The following ADAMTS2 variants were observed in gnomAD, a reference collection of about 807,000 sequenced individuals.
ADAMTS2 encodes the protein ADAM metallopeptidase with thrombospondin type 1 motif 2.
Under a neutral mutation model 123.0 loss-of-function variants are expected in ADAMTS2, and 50 were observed. The observed-to-expected ratio is 0.41, with a 90% CI of 0.32 to 0.51. ADAMTS2 has a LOEUF of 0.51. ADAMTS2 is among the 20% of genes least tolerant of loss of function. The pLI is 0.35. For synonymous variants in ADAMTS2, 678 were observed against 695.4 expected (o/e 0.98, Z 0.39); for missense variants, 1,494 against 1,705.2 (o/e 0.88, Z 2.18).
rs1214980958 is a variant in ADAMTS2, at chr5:179,175,958, C to T, written c.975+5114G>A. ...AGACCACCTGTACTGCTCGGACTCT[C>T]GGAGGTACACCATGCACAGCTCCAC... On this transcript the variant is annotated intron_variant, in intron 5 of 21. Transcript: ENST00000251582. This position sits in a 1 kb window ranked among gnomAD's most constrained non-coding sequence, Gnocchi z 4.1. Among the ~76,000 whole-genome samples, 3 of 152,036 alleles carry T rather than the reference C, an allele frequency of 2.0e-5. No individual in the cohort carries two copies. Among genetic ancestry groups the T allele is most frequent in the Non-Finnish European group, 2.9e-5 (2 of 68,016 alleles).
chr5:179,121,105 G>A (rs1324286415), intron 21 of ADAMTS2: 1 of 152,322 alleles, frequency 6.6e-6, no homozygotes, highest in African/African-American at 2.4e-5. Context: ...TGGAGGTGGG[G>A]AGTGTCCCCG....
At chr5:179,119,922 T>A (rs1392329921) in intron 21 of ADAMTS2, among the ~76,000 whole-genome samples, 1 of 152,136 alleles carries the variant, frequency 6.6e-6, no homozygotes, top group African/African-American at 2.4e-5. Flanking sequence ...TATGACATGA[T>A]TCAAAACCCG....
At chr5:179,255,075 G>T (rs997454831) in intron 3 of ADAMTS2, among the ~76,000 whole-genome samples, 2 of 152,128 alleles carry the variant, frequency 1.3e-5, no homozygotes, top group African/African-American at 4.8e-5. Context: ...TAGGGGATGG[G>T]TAGATGGATG....
chr5:179,165,092 C>T (rs1292445498), intron 5 of ADAMTS2, among the ~76,000 whole-genome samples: 5 of 152,244 alleles, frequency 3.3e-5, no homozygotes, highest in Admixed American at 3.3e-4. Context: ...GCTGAGACCT[C>T]CAGCCAAGGA....
intron 3 of ADAMTS2, among the ~76,000 whole-genome samples, chr5:179,221,461 G>A (rs761566542): frequency 7.9e-5 from 12 of 152,160 alleles, no homozygotes. Context: ...CCCACTTTCA[G>A]TCGTGGCACC....
intron 3 of ADAMTS2, among the ~76,000 whole-genome samples, chr5:179,227,394 T>G (rs757859354): frequency 2.0e-5 from 3 of 152,098 alleles, no homozygotes; most frequent in Non-Finnish European, 4.4e-5. Flanking sequence ...CCCTGACGAC[T>G]CTACACTTGG....
rs1763525978 is a variant in ADAMTS2 at position 179,158,353 on chromosome 5, T to C, written c.1132+370A>G. ...TCTTCTTTCATTATTTTGCGTTTCTTATTTAGACCTAAAATCCATGTGAGA... is the reference window on the plus strand; with the variant it reads ...TCTTCTTTCATTATTTTGCGTTTCTCATTTAGACCTAAAATCCATGTGAGA... On this transcript the variant is annotated intron_variant, in intron 6 of 21. Transcript: ENST00000251582. The surrounding 1 kb of genome is among the most constrained non-coding windows in gnomAD (Gnocchi z 5.0). Among the ~76,000 whole-genome samples the C allele has an allele frequency of 6.6e-6, 1 of 152,218 alleles. No homozygotes were observed. The highest frequency in any genetic ancestry group is 2.4e-5 in the African/African-American group (1 of 41,450).
At chr5:179,237,240 G>T (rs928755345) in intron 3 of ADAMTS2, among the ~76,000 whole-genome samples, 1 of 152,214 alleles carries the variant, frequency 6.6e-6, no homozygotes, top group Non-Finnish European at 1.5e-5. Flanking sequence ...TCCAGCCTAG[G>T]TGATGAGTGA....
At chr5:179,337,211 G>A (rs546503508) in intron 2 of ADAMTS2, among the ~76,000 whole-genome samples, 60 of 152,140 alleles carry the variant, frequency 3.9e-4, no homozygotes, top group African/African-American at 1.4e-3. Context: ...GGTGTCTAAC[G>A]TGGCGCCAAG....
intron 11 of ADAMTS2, among the ~76,000 whole-genome samples, 164 bp from the exon 12 acceptor site, chr5:179,138,108 C>A (rs1763098057): frequency 6.6e-6 from 1 of 152,104 alleles, no homozygotes; most frequent in Non-Finnish European, 1.5e-5. Context: ...AGCTGTAAGA[C>A]CTGGGCAGTT....
rs551661111 is a variant in ADAMTS2, at chr5:179,139,185, C to G, written c.1775+705G>C. ...TGGAGGGTTCTCCCTCCATGCCAGC[C>G]CCCCCGGGACACTCCCTGGGTGAGG... On this transcript the variant is annotated intron_variant, in intron 11 of 21. Coordinates refer to ENST00000251582, the MANE Select transcript of ADAMTS2 (RefSeq NM_014244.5). 1.4e-3 allele frequency among the ~76,000 whole-genome samples: 217 copies of G among 152,108 alleles called. 2 individuals are homozygous for G. Among genetic ancestry groups the G allele is most frequent in the Non-Finnish European group, 2.2e-3 (152 of 67,976 alleles).
chr5:179,182,611 G>A (rs1219348266), intron 4 of ADAMTS2, among the ~76,000 whole-genome samples: 1 of 152,142 alleles, frequency 6.6e-6, no homozygotes, highest in Non-Finnish European at 1.5e-5. Context: ...ACCGATCGTG[G>A]GGCAGAGTTC....
At chr5:179,139,733 C>T (rs1339098332) in intron 11 of ADAMTS2, among the ~76,000 whole-genome samples, 157 bp downstream of exon 11, 3 of 152,148 alleles carry the variant, frequency 2.0e-5, no homozygotes, top group Non-Finnish European at 4.4e-5. Flanking sequence ...CCGTCACCCC[C>T]TCCCAGGTAG....
intron 5 of ADAMTS2, among the ~76,000 whole-genome samples, chr5:179,163,536 C>A (rs10072055): frequency 0.044 from 6,670 of 152,214 alleles, 523 homozygotes; most frequent in African/African-American, 0.15. Flanking sequence ...CAAAACAACG[C>A]ATCCTCCCCG....
intron 10 of ADAMTS2, among the ~76,000 whole-genome samples, chr5:179,144,140 TA>T (rs1166228883): frequency 3.9e-5 from 6 of 152,032 alleles, no homozygotes; most frequent in Non-Finnish European, 7.4e-5. Context: ...AAACTAGTAA[TA>T]AATGATTTAA....
chr5:179,204,091 C>G (rs903666768), intron 4 of ADAMTS2, among the ~76,000 whole-genome samples: 4 of 152,220 alleles, frequency 2.6e-5, no homozygotes, highest in Non-Finnish European at 1.5e-5. Context: ...ATAAGCCAGA[C>G]ACAAAAGGAC....
At chr5:179,257,904 G>A (rs1270282507) in intron 3 of ADAMTS2, among the ~76,000 whole-genome samples, 1 of 152,190 alleles carries the variant, frequency 6.6e-6, no homozygotes, top group Non-Finnish European at 1.5e-5. Context: ...TGAAGAGATT[G>A]TAAGTAAAAT....
chr5:179,148,835 C>T lies in ADAMTS2; in HGVS notation c.1629+3307G>A, dbSNP rs138799298. ...GCAGAGGCCGCCACTCTGGATTCTC[C>T]CTCCCAGACGGAGGGGGGTACTGTG... On this transcript the variant is annotated intron_variant, in intron 10 of 21. Coordinates refer to ENST00000251582, the MANE Select transcript of ADAMTS2 (RefSeq NM_014244.5). Among the ~76,000 whole-genome samples, 894 of 152,302 alleles carry T rather than the reference C, an allele frequency of 5.9e-3. 9 individuals carry two copies. The highest frequency in any genetic ancestry group is 0.021 in the African/African-American group (866 of 41,578).
At chr5:179,302,689 A>G (rs1756564889) in intron 2 of ADAMTS2, among the ~76,000 whole-genome samples, 1 of 151,324 alleles carries the variant, frequency 6.6e-6, no homozygotes, top group Non-Finnish European at 1.5e-5. Context: ...ACAGAGAGTG[A>G]CGCAGCCGTG....
Sources: gnomAD v4.1 joint callset for allele counts (sites outside exome capture counted in the v4.1 genomes callset) on GRCh38, gnomAD v4.1.1 for gene constraint, Gnocchi (gnomAD v3.1) non-coding constraint, MANE v1.5 for transcripts, NCBI Gene and HGNC (gene_info 2026-07-23, HGNC 2026-07-21) for gene names.